CDH18: variants seen among roughly 807,000 people sequenced by gnomAD.
CDH18 encodes the protein cadherin-18.
Under a neutral mutation model 67.9 loss-of-function variants are expected in CDH18, and 31 were observed. That is an observed-to-expected ratio of 0.46 (90% CI 0.34 to 0.62). CDH18 has a LOEUF of 0.62. Among genes scored for constraint, CDH18 ranks in the 20% least tolerant of loss-of-function variants. CDH18 has a pLI of 0.01. For missense variants in CDH18, 890 were observed against 975.5 expected, an observed-to-expected ratio of 0.91 and a Z score of 1.17; for synonymous variants, 362 against 347.2, an observed-to-expected ratio of 1.04 and a Z score of -0.48.
chr5:20,568,297 T>G (rs1758627316), intron 1 of CDH18, among the ~76,000 whole-genome samples: 1 of 152,202 alleles, frequency 6.6e-6, no homozygotes, highest in Admixed American at 6.5e-5. Context: ...AATTTTATAA[T>G]TGGGTTTCAA....
At chr5:20,069,890 C>T (rs902605702) in intron 2 of CDH18, among the ~76,000 whole-genome samples, 7 of 152,016 alleles carry the variant, frequency 4.6e-5, no homozygotes, top group Non-Finnish European at 1.0e-4. Context: ...ATATTGACAC[C>T]GAAATGATCA....
intron 6 of CDH18, among the ~76,000 whole-genome samples, chr5:19,600,381 C>G (rs571152941): frequency 2.9e-4 from 44 of 151,568 alleles, no homozygotes; most frequent in Middle Eastern, 3.4e-3. Context: ...AAATAAGCCT[C>G]TAGAGTTTTT....
chr5:19,875,615 C>T (rs1786892505), intron 2 of CDH18, among the ~76,000 whole-genome samples: 1 of 151,702 alleles, frequency 6.6e-6, no homozygotes, highest in Non-Finnish European at 1.5e-5. Flanking sequence ...TATATATATA[C>T]ATATATACAT....
intron 1 of CDH18, among the ~76,000 whole-genome samples, chr5:20,363,988 TA>T (rs1469981933): frequency 3.9e-5 from 6 of 152,172 alleles, no homozygotes; most frequent in Non-Finnish European, 8.8e-5. Context: ...CCACAAGTCC[TA>T]TTTGACAATA....
chr5:19,861,407 G>GT (rs1358515432), intron 2 of CDH18, among the ~76,000 whole-genome samples: 1 of 152,084 alleles, frequency 6.6e-6, no homozygotes, highest in African/African-American at 2.4e-5. Context: ...AGGGGGCTGT[G>GT]TAAGAAGACA....
At chr5:20,100,457 T>G (rs915707038) in intron 2 of CDH18, among the ~76,000 whole-genome samples, 1 of 152,226 alleles carries the variant, frequency 6.6e-6, no homozygotes, top group Admixed American at 6.5e-5. Context: ...TGCACCAACC[T>G]AATATATGTA....
intron 2 of CDH18, among the ~76,000 whole-genome samples, chr5:20,050,428 A>G (rs1423885705): frequency 3.3e-5 from 5 of 151,854 alleles, no homozygotes; most frequent in Non-Finnish European, 7.4e-5. Flanking sequence ...GACAGTTACA[A>G]TCATCCTGTG....
intron 5 of CDH18, among the ~76,000 whole-genome samples, chr5:19,686,629 G>A (rs776799414): frequency 1.3e-5 from 2 of 152,092 alleles, no homozygotes; most frequent in Non-Finnish European, 2.9e-5. Flanking sequence ...GAAATTGTGT[G>A]TAAACGAATG....
In CDH18 at chr5:19,805,492, G is replaced by A. The variant is rs555479897; in HGVS notation, c.228+33267C>T. ...GTGTTTTCCTAACTCTTTCTCCATG[G>A]CTTCAATTACCATCTAAACTCCAGT... On this transcript the variant is annotated intron_variant, in intron 3 of 12. Coordinates refer to ENST00000382275, the MANE Select transcript of CDH18 (RefSeq NM_004934.5). 5.3e-5 allele frequency among the ~76,000 whole-genome samples: 8 copies of A among 151,998 alleles called. 2 individuals are homozygous for A. In the South Asian group the frequency reaches 1.7e-3, roughly 32 times the overall value.
rs1163379037 is a variant in CDH18 at position 20,547,205 on chromosome 5, A to G, written c.-580+28257T>C. ...AATAACTGCTAAAGGGAAAACAGTG[A>G]TATATAAAGTGACAAGCAATATAGG... is the stretch of plus-strand genomic sequence containing the variant. On this transcript the variant is annotated intron_variant, in intron 1 of 14. Coordinates refer to the CDH18 transcript ENST00000507958. 2.6e-5 allele frequency among the ~76,000 whole-genome samples: 4 copies of G among 152,188 alleles called. No individual in the cohort carries two copies. In the East Asian group the frequency reaches 5.8e-4, roughly 22 times the overall value.
At chr5:20,024,094 AG>A (rs1395543769) in intron 2 of CDH18, among the ~76,000 whole-genome samples, 1 of 152,238 alleles carries the variant, frequency 6.6e-6, no homozygotes, top group East Asian at 1.9e-4. Flanking sequence ...TTGCAAACAA[AG>A]TATTTTTAAA....
intron 5 of CDH18, among the ~76,000 whole-genome samples, chr5:19,663,249 TC>T (rs1757440030): frequency 6.6e-6 from 1 of 151,954 alleles, no homozygotes; most frequent in South Asian, 2.1e-4. Flanking sequence ...AAATGTTCTA[TC>T]CCCCTGCAAA....
At chr5:20,052,674 T>C (rs1411037956) in intron 2 of CDH18, among the ~76,000 whole-genome samples, 1 of 152,070 alleles carries the variant, frequency 6.6e-6, no homozygotes, top group African/African-American at 2.4e-5. Flanking sequence ...TATGTCTCAC[T>C]ATCAAAATAT....
intron 2 of CDH18, among the ~76,000 whole-genome samples, chr5:20,124,151 G>A (rs1748623412): frequency 6.6e-6 from 1 of 152,174 alleles, no homozygotes; most frequent in Admixed American, 6.5e-5. Context: ...GCACATTTTT[G>A]AGAAAGGGGA....
intron 7 of CDH18, among the ~76,000 whole-genome samples, chr5:19,582,834 C>G (rs993519167): frequency 6.6e-6 from 1 of 151,494 alleles, no homozygotes; most frequent in Non-Finnish European, 1.5e-5. Flanking sequence ...ACATTCGATC[C>G]TTATTGTGTT....
At chr5:19,734,406 T>C (rs1193081669) in intron 4 of CDH18, among the ~76,000 whole-genome samples, 1 of 152,184 alleles carries the variant, frequency 6.6e-6, no homozygotes, top group African/African-American at 2.4e-5. Context: ...TTTCTTTTAT[T>C]TTGTTTTTGT....
chr5:19,838,661 T>C (rs1234621414), intron 3 of CDH18, 98 bp downstream of exon 3: 2 of 761,324 alleles, frequency 2.6e-6, no homozygotes, highest in East Asian at 2.7e-5. Context: ...CATAATTTGC[T>C]TCATTTGTCT....
At chr5:20,538,560 G>C (rs58158778) in intron 1 of CDH18, among the ~76,000 whole-genome samples, 2 of 152,122 alleles carry the variant, frequency 1.3e-5, no homozygotes, top group Admixed American at 1.3e-4. Flanking sequence ...GGCTCTGATA[G>C]CATCTCATGC....
chr5:19,715,443 G>GT (rs1224626746), intron 5 of CDH18, among the ~76,000 whole-genome samples: 1 of 152,128 alleles, frequency 6.6e-6, no homozygotes, highest in Non-Finnish European at 1.5e-5. Flanking sequence ...AGTGGCTGTT[G>GT]TTTCAGACAG....
Sources: allele counts gnomAD v4.1 joint callset (sites outside exome capture counted in the v4.1 genomes callset), GRCh38; gene constraint gnomAD v4.1.1; transcripts MANE v1.5; gene names NCBI Gene and HGNC (gene_info 2026-07-23, HGNC 2026-07-21).